Variants in TMEM156 observed in about 807,000 individuals in gnomAD.
TMEM156 encodes the protein transmembrane protein 156.
In TMEM156, 28 loss-of-function variants were observed where a neutral mutation model predicts 30.5. That is an observed-to-expected ratio of 0.92 (90% CI 0.68 to 1.26). The LOEUF is 1.26. TMEM156 is among the 50% of genes most tolerant of loss of function. The pLI is 0.00. For missense variants in TMEM156, 351 were observed against 340.6 expected (o/e 1.03, Z -0.24); for synonymous variants, 137 against 119.9 (o/e 1.14, Z -0.93).
intron 5 of TMEM156, among the ~76,000 whole-genome samples, chr4:38,978,187 T>C (rs945148811): frequency 1.3e-5 from 2 of 152,236 alleles, no homozygotes; most frequent in Non-Finnish European, 2.9e-5. Flanking sequence ...CAGCCATTTT[T>C]TTTTATTCTC....
intron 5 of TMEM156, among the ~76,000 whole-genome samples, chr4:38,984,830 G>T (rs1162473920): frequency 6.6e-6 from 1 of 152,126 alleles, no homozygotes; most frequent in Non-Finnish European, 1.5e-5. Flanking sequence ...TATATACCTG[G>T]TAATAAAGCC....
At chr4:38,978,652 G>A in intron 5 of TMEM156, among the ~76,000 whole-genome samples, 1 of 152,132 alleles carries the variant, frequency 6.6e-6, no homozygotes. Context: ...TCAGCACACA[G>A]ACACACAAAT....
At chr4:39,019,198 A>G (rs190795027) in intron 1 of TMEM156, among the ~76,000 whole-genome samples, 138 of 151,794 alleles carry the variant, frequency 9.1e-4, no homozygotes, top group Admixed American at 4.8e-3. Flanking sequence ...ACCCTATTCT[A>G]TTTCTTCTAT....
chr4:38,974,556 C>T (rs1017466863), intron 5 of TMEM156, among the ~76,000 whole-genome samples: 1 of 152,126 alleles, frequency 6.6e-6, no homozygotes, highest in African/African-American at 2.4e-5. Context: ...GGACAATTAA[C>T]ACATTTTCTA....
intron 5 of TMEM156, among the ~76,000 whole-genome samples, chr4:38,979,158 T>C (rs1445809200): frequency 2.6e-5 from 4 of 152,372 alleles, no homozygotes; most frequent in African/African-American, 9.6e-5. Flanking sequence ...AATGGATCCT[T>C]CTTGATGTGC....
chr4:39,010,781 T>G (rs1215136783), intron 1 of TMEM156, among the ~76,000 whole-genome samples: 1 of 152,198 alleles, frequency 6.6e-6, no homozygotes, highest in Non-Finnish European at 1.5e-5. Flanking sequence ...ATTAAAGATC[T>G]AAATGTAAGA....
chr4:39,003,294 T>G (rs1160250966), intron 1 of TMEM156, among the ~76,000 whole-genome samples: 3 of 152,072 alleles, frequency 2.0e-5, no homozygotes, highest in Admixed American at 2.0e-4. Context: ...TATACAAAAT[T>G]TACTCAAATA....
At chr4:39,019,161 G>A (rs1190138466) in intron 1 of TMEM156, among the ~76,000 whole-genome samples, 4 of 151,686 alleles carry the variant, frequency 2.6e-5, no homozygotes, top group Admixed American at 6.6e-5. Flanking sequence ...AAATTTCTTA[G>A]CCATTGTCTC....
At chr4:38,974,620 A>G (rs1306621650) in intron 5 of TMEM156, among the ~76,000 whole-genome samples, 1 of 150,600 alleles carries the variant, frequency 6.6e-6, no homozygotes, top group Non-Finnish European at 1.5e-5. Context: ...GGTTTTATAC[A>G]TTTTTCCCAG....
rs148526993 is a variant in TMEM156 at position 38,967,753 on chromosome 4, G to C, written c.*39-112C>G. The C allele has an allele frequency of 4.1e-3, 623 of 152,302 alleles. 1 individual carries two copies. The highest frequency in any genetic ancestry group is 0.014 in the African/African-American group (592 of 41,568). 9.4% of individuals were successfully genotyped at this position (152,302 alleles called of 1,614,324 possible). Reference sequence around the variant, plus strand: ...TTTAAAACCGTTTGTTAAAACTATGGCTTATAAGACCACCAAAAAATGTTC... The same window carrying C: ...TTTAAAACCGTTTGTTAAAACTATGCCTTATAAGACCACCAAAAAATGTTC... On this transcript the variant is annotated intron_variant, in intron 6 of 6. Coordinates refer to ENST00000381938, the MANE Select transcript of TMEM156 (RefSeq NM_024943.3).
At chr4:38,967,939 T>C (rs1324334271) in intron 6 of TMEM156, among the ~76,000 whole-genome samples, 1 of 152,244 alleles carries the variant, frequency 6.6e-6, no homozygotes, top group East Asian at 1.9e-4. Flanking sequence ...GTTCTATTTT[T>C]AGTTTTTTGA....
intron 1 of TMEM156, among the ~76,000 whole-genome samples, chr4:39,013,373 G>GTTTATTTA (rs71192811): frequency 2.8e-5 from 4 of 141,254 alleles, no homozygotes; most frequent in African/African-American, 2.6e-5. Context: ...GACATAATTG[G>GTTTATTTA]TTTATTTATT....
chr4:38,979,492 T>C (rs994569410), intron 5 of TMEM156, among the ~76,000 whole-genome samples: 1 of 152,260 alleles, frequency 6.6e-6, no homozygotes, highest in Non-Finnish European at 1.5e-5. Context: ...GAAAGCACTA[T>C]GAAGCACAAA....
intron 1 of TMEM156, among the ~76,000 whole-genome samples, chr4:39,003,076 T>C (rs1440126989): frequency 6.6e-6 from 1 of 152,172 alleles, no homozygotes. Context: ...TTACCCCTAC[T>C]CATATACCTT....
chr4:38,977,977 G>C (rs1722956472), intron 5 of TMEM156, among the ~76,000 whole-genome samples: 1 of 152,068 alleles, frequency 6.6e-6, no homozygotes, highest in Admixed American at 6.5e-5. Flanking sequence ...TTATATCCAT[G>C]ACATCTGGTA....
chr4:38,996,377 A>T (rs1283476135), intron 2 of TMEM156, among the ~76,000 whole-genome samples: 3 of 150,518 alleles, frequency 2.0e-5, no homozygotes, highest in African/African-American at 7.4e-5. Context: ...TGGCCAACAC[A>T]TGGTGAAACC....
chr4:39,019,568 T>C (rs1714726395), intron 1 of TMEM156, among the ~76,000 whole-genome samples: 2 of 152,188 alleles, frequency 1.3e-5, no homozygotes, highest in Admixed American at 6.5e-5. Flanking sequence ...ATTAACTTTG[T>C]GTGTACGAAT....
intron 1 of TMEM156, among the ~76,000 whole-genome samples, chr4:39,000,558 C>T (rs561497099): frequency 7.8e-4 from 119 of 152,230 alleles, no homozygotes; most frequent in African/African-American, 2.8e-3. Context: ...CATATGAAAA[C>T]ACTTTTGAAA....
At position 38,971,127 on chromosome 4, in the gene TMEM156, C is replaced by G. The variant is rs75448210; in HGVS notation, c.834G>C (p.Thr278=). The change falls in exon 6 of 7, where the codon ACG becomes ACC. Residue 278 remains threonine, a synonymous_variant. Coordinates refer to ENST00000381938, the MANE Select transcript of TMEM156 (RefSeq NM_024943.3). ...LNVQVLSAET[T]QRLPLDQVQE... The stretch of plus-strand genomic sequence containing the variant: ...GGACTTGATCCAAAGGCAGCCTCTG[C>G]GTGGTCTCTGCTATTTAAGAAGGAG... 2 of 1,613,846 alleles carry G rather than the reference C, an allele frequency of 1.2e-6. No homozygotes were observed. The highest frequency in any genetic ancestry group is 8.5e-7 in the Non-Finnish European group (1 of 1,179,830).
Sources: allele counts gnomAD v4.1 joint callset (sites outside exome capture counted in the v4.1 genomes callset), GRCh38; gene constraint gnomAD v4.1.1; transcripts MANE v1.5; gene names NCBI Gene and HGNC (gene_info 2026-07-23, HGNC 2026-07-21).